Variants in FSTL4 observed in about 807,000 individuals in gnomAD.
FSTL4 encodes the protein follistatin like 4.
In FSTL4, 28 loss-of-function variants were observed where a neutral mutation model predicts 78.2. The observed-to-expected ratio is 0.36, with a 90% CI of 0.27 to 0.49. FSTL4 has a LOEUF of 0.49. Among genes scored for constraint, FSTL4 ranks in the 20% least tolerant of loss-of-function variants. The pLI, the probability that FSTL4 is intolerant of heterozygous loss-of-function variation, is 0.98. For synonymous variants in FSTL4, 422 were observed against 440.5 expected (o/e 0.96, Z 0.53); for missense variants, 922 against 1,084.9 (o/e 0.85, Z 2.11).
chr5:133,391,748 C>T (rs1755855359), intron 4 of FSTL4, among the ~76,000 whole-genome samples: 1 of 152,180 alleles, frequency 6.6e-6, no homozygotes, highest in South Asian at 2.1e-4. Context: ...GGATACTCTT[C>T]CCCCAGATAT....
chr5:133,638,397 AG>A, the FSTL4 span, among the ~76,000 whole-genome samples: 1 of 152,126 alleles, frequency 6.6e-6, no homozygotes, highest in South Asian at 2.1e-4. Context: ...TCCAAGGAAA[AG>A]CTCAAGTCCT....
chr5:133,243,463 C>T (rs2126815366), intron 7 of FSTL4, among the ~76,000 whole-genome samples: 1 of 152,304 alleles, frequency 6.6e-6, no homozygotes, highest in Admixed American at 6.5e-5. Context: ...AGAATAGGAG[C>T]TCCACACACA....
At chr5:133,744,945 G>A in the FSTL4 span, among the ~76,000 whole-genome samples, 2 of 152,228 alleles carry the variant, frequency 1.3e-5, no homozygotes, top group South Asian at 2.1e-4. Flanking sequence ...AAAACTACCT[G>A]GTCCATCAAA....
At chr5:133,366,652 C>T (rs766990837) in intron 4 of FSTL4, among the ~76,000 whole-genome samples, 3 of 151,968 alleles carry the variant, frequency 2.0e-5, no homozygotes, top group Admixed American at 6.6e-5. Flanking sequence ...GACTCAAGCA[C>T]ACCCTCTGGT....
chr5:133,404,661 G>A (rs1756314134), intron 3 of FSTL4, among the ~76,000 whole-genome samples: 1 of 152,140 alleles, frequency 6.6e-6, no homozygotes, highest in Non-Finnish European at 1.5e-5. Flanking sequence ...GCCATGAACT[G>A]GGAGCATAGA....
chr5:133,705,456 C>A, the FSTL4 span, among the ~76,000 whole-genome samples: 1 of 152,172 alleles, frequency 6.6e-6, no homozygotes, highest in Admixed American at 6.5e-5. Flanking sequence ...ATGGTGGGAC[C>A]CTGGCTCTCC....
At chr5:133,424,709 G>C (rs1042317729) in intron 3 of FSTL4, among the ~76,000 whole-genome samples, 9 of 152,222 alleles carry the variant, frequency 5.9e-5, no homozygotes, top group Middle Eastern at 6.3e-3. Context: ...TCACTAGGCA[G>C]CATTCCCATA....
At chr5:133,701,137 T>A in the FSTL4 span, among the ~76,000 whole-genome samples, 33 of 151,692 alleles carry the variant, frequency 2.2e-4, no homozygotes, top group East Asian at 6.4e-3. Flanking sequence ...GCATGGTGGC[T>A]CATGCATGTA....
chr5:133,698,190 G>A, the FSTL4 span, among the ~76,000 whole-genome samples: 121 of 151,368 alleles, frequency 8.0e-4, 1 homozygote, highest in South Asian at 0.023. Context: ...CCCTGCTCGC[G>A]TCGAAAAATC....
In FSTL4 at chr5:133,360,209, T is replaced by C. The variant is rs191762604; in HGVS notation, c.409+40529A>G. Among the ~76,000 whole-genome samples the C allele has an allele frequency of 2.6e-5, 4 of 152,270 alleles. No individual in the cohort carries two copies. In the East Asian group the frequency reaches 7.7e-4, roughly 29 times the overall value. On this transcript the variant is annotated intron_variant, in intron 4 of 15. Transcript: ENST00000265342. ...CAATCTTCTCAACGTTTACTCAAAA[T>C]AGGAAAGAGAAATTCTGGCGATTTT...
the FSTL4 span, among the ~76,000 whole-genome samples, chr5:133,724,243 A>G: frequency 3.9e-5 from 6 of 152,122 alleles, no homozygotes; most frequent in South Asian, 1.2e-3. Context: ...GTGTCTGTGG[A>G]GGTGACAGAA....
At chr5:133,662,534 G>A in the FSTL4 span, among the ~76,000 whole-genome samples, 1 of 150,990 alleles carries the variant, frequency 6.6e-6, no homozygotes, top group South Asian at 2.1e-4. Flanking sequence ...CTGCCAAAAT[G>A]TTTTCCTAAA....
intron 4 of FSTL4, among the ~76,000 whole-genome samples, chr5:133,383,720 C>CT (rs1224032019): frequency 6.6e-6 from 1 of 152,208 alleles, no homozygotes; most frequent in Non-Finnish European, 1.5e-5. Flanking sequence ...AGTAACTAGG[C>CT]TCCCCCATGC....
intron 4 of FSTL4, among the ~76,000 whole-genome samples, chr5:133,359,382 AGACT>A (rs1755018699): frequency 6.6e-6 from 1 of 152,224 alleles, no homozygotes. Flanking sequence ...TGACTATGGG[AGACT>A]GATGAATAAA....
chr5:133,766,432 G>C, the FSTL4 span, among the ~76,000 whole-genome samples: 1 of 152,214 alleles, frequency 6.6e-6, no homozygotes, highest in Non-Finnish European at 1.5e-5. Context: ...TTAACACCTT[G>C]AATTTAAGAC....
Position 133,198,428 on chromosome 5 carries a change from AG to A in FSTL4, c.*666del. ...CTCGGCCTAAGGCAGGGAAGGATAT[AG>A]TTGGACCTCGGAGAGCATCTTTCTG... On this transcript the variant is annotated 3_prime_UTR_variant, in exon 16 of 16. Transcript: ENST00000265342. 6.6e-6 allele frequency: 1 copy of A among 152,300 alleles called. No individual in the cohort carries two copies. The allele number at this position is 152,300 out of a possible 1,614,324, so 9.4% of individuals were successfully genotyped here.
At chr5:133,547,344 G>A (rs437184) in intron 3 of FSTL4, among the ~76,000 whole-genome samples, 54,382 of 152,052 alleles carry the variant, frequency 0.36, 9,889 homozygotes, top group South Asian at 0.39. Context: ...TCATAGGTAA[G>A]ACTTTGGATT....
At chr5:133,300,067 C>T (rs986164891) in intron 6 of FSTL4, among the ~76,000 whole-genome samples, 1 of 152,198 alleles carries the variant, frequency 6.6e-6, no homozygotes, top group African/African-American at 2.4e-5. Context: ...CCAGGAAGCT[C>T]TGTCCATCGC....
chr5:133,750,990 A>C, the FSTL4 span, among the ~76,000 whole-genome samples: 1 of 151,818 alleles, frequency 6.6e-6, no homozygotes, highest in Non-Finnish European at 1.5e-5. Context: ...GCAGAAAATA[A>C]TTTGGATGTC....
Sources: allele counts gnomAD v4.1 joint callset (sites outside exome capture counted in the v4.1 genomes callset), GRCh38; gene constraint gnomAD v4.1.1; transcripts MANE v1.5; gene names NCBI Gene and HGNC (gene_info 2026-07-23, HGNC 2026-07-21).